Variants in DACH2 observed in about 807,000 individuals in gnomAD.
DACH2 encodes the protein dachshund homolog 2.
A neutral mutation model predicts 35.8 loss-of-function variants in DACH2; 17 were observed. The observed-to-expected ratio is 0.48, with a 90% CI of 0.33 to 0.71. The LOEUF (loss-of-function observed/expected upper bound fraction) is 0.71. Ranked by LOEUF, DACH2 falls within the 30% of genes least tolerant of loss-of-function variation. DACH2 has a pLI of 0.02. For missense variants in DACH2, 469 were observed against 472.7 expected (o/e 0.99, Z 0.07); for synonymous variants, 195 against 177.3 (o/e 1.10, Z -0.79).
chrX:86,326,720 T>C (rs1569350421), intron 1 of DACH2, among the ~76,000 whole-genome samples: 1 of 110,893 alleles, frequency 9.0e-6, no homozygotes, highest in African/African-American at 3.3e-5. Flanking sequence ...CCAGTATTTG[T>C]TTTCCTCATC....
chrX:86,270,185 A>C (rs2033791075), intron 1 of DACH2, among the ~76,000 whole-genome samples: 1 of 108,763 alleles, frequency 9.2e-6, no homozygotes, highest in Non-Finnish European at 1.9e-5. Flanking sequence ...TTTTGGTCAG[A>C]GTAAAGTTGA....
chrX:86,544,900 T>G (rs1431270376), intron 3 of DACH2, among the ~76,000 whole-genome samples: 1 of 112,336 alleles, frequency 8.9e-6, no homozygotes, highest in Non-Finnish European at 1.9e-5. Flanking sequence ...CCCCCTGGGT[T>G]CAAGCAATTC....
chrX:86,297,786 T>C (rs909556066), intron 1 of DACH2, among the ~76,000 whole-genome samples: 2 of 112,434 alleles, frequency 1.8e-5, no homozygotes, highest in Non-Finnish European at 3.8e-5. Flanking sequence ...TAGACATTTA[T>C]ATATAGTCAA....
chrX:86,219,622 C>A lies in DACH2; in HGVS notation c.488+70514C>A, dbSNP rs143810867. Among the ~76,000 whole-genome samples, 15 of 111,364 alleles carry A rather than the reference C, an allele frequency of 1.3e-4. No individual in the cohort carries two copies. The Admixed American group carries it at 1.4e-3, about 11-fold the overall frequency. The stretch of plus-strand genomic sequence containing the variant: ...AACGTAATAAATCTGTGCATATGTA[C>A]ATTGAAAATATTTTCTCCCATTACA... On this transcript the variant is annotated intron_variant, in intron 1 of 11. Coordinates refer to ENST00000373125, the MANE Select transcript of DACH2 (RefSeq NM_053281.3).
intron 1 of DACH2, among the ~76,000 whole-genome samples, chrX:86,372,214 T>C (rs1429464887): frequency 9.0e-6 from 1 of 111,424 alleles, no homozygotes; most frequent in African/African-American, 3.3e-5. Context: ...ATTCTATATA[T>C]ATGGATGTCA....
intron 2 of DACH2, among the ~76,000 whole-genome samples, chrX:86,492,107 T>C (rs937530833): frequency 1.8e-5 from 2 of 111,937 alleles, no homozygotes; most frequent in East Asian, 5.6e-4. Context: ...TCTCTGTGAC[T>C]GCTTTATTTC....
intron 1 of DACH2, among the ~76,000 whole-genome samples, chrX:86,163,440 A>G (rs915630659): frequency 5.4e-5 from 6 of 110,107 alleles, no homozygotes; most frequent in African/African-American, 1.6e-4. Flanking sequence ...TCTTTTTTTT[A>G]ATGTTTATTT....
intron 1 of DACH2, among the ~76,000 whole-genome samples, chrX:86,294,212 G>A (rs1463607983): frequency 5.4e-5 from 6 of 111,513 alleles, no homozygotes; most frequent in African/African-American, 9.8e-5. Context: ...CCAGTTGATT[G>A]CATCGGCTCC....
At chrX:86,772,677 G>A (rs2041997788) in intron 7 of DACH2, among the ~76,000 whole-genome samples, 1 of 111,370 alleles carries the variant, frequency 9.0e-6, no homozygotes, top group Admixed American at 9.6e-5. Context: ...TGCATTGTCA[G>A]AGTTATTATT....
At chrX:86,690,726 T>C (rs1272312312) in intron 4 of DACH2, among the ~76,000 whole-genome samples, 1 of 112,270 alleles carries the variant, frequency 8.9e-6, no homozygotes. Flanking sequence ...TTTATTGTTC[T>C]TACACTGATT....
chrX:86,823,914 G>A (rs2042537818), intron 11 of DACH2, among the ~76,000 whole-genome samples: 1 of 111,869 alleles, frequency 8.9e-6, no homozygotes, highest in South Asian at 3.8e-4. Context: ...GAGGAAACAG[G>A]ACAAGGGCAA....
chrX:86,546,402 T>C (rs868811280), intron 3 of DACH2, among the ~76,000 whole-genome samples: 7 of 65,235 alleles, frequency 1.1e-4, no homozygotes, highest in African/African-American at 5.4e-4. Flanking sequence ...CTTCTTCTTC[T>C]TCCTTCTTCT....
At chrX:86,628,053 GC>G (rs774464682) in intron 3 of DACH2, among the ~76,000 whole-genome samples, 1 of 111,960 alleles carries the variant, frequency 8.9e-6, no homozygotes, top group Non-Finnish European at 1.9e-5. Flanking sequence ...TGGGCTAATA[GC>G]CCTTTTTCCT....
intron 3 of DACH2, among the ~76,000 whole-genome samples, chrX:86,528,734 A>C (rs945499214): frequency 8.9e-5 from 10 of 112,254 alleles, no homozygotes; most frequent in African/African-American, 1.6e-4. Context: ...CAGTGTAACC[A>C]CTATGCTTCA....
At chrX:86,571,071 G>T (rs1172031665) in intron 3 of DACH2, among the ~76,000 whole-genome samples, 3 of 110,544 alleles carry the variant, frequency 2.7e-5, no homozygotes, top group African/African-American at 9.8e-5. Context: ...TATCATTTTT[G>T]CTTTTATATT....
At chrX:86,153,678 GT>G (rs2030446370) in intron 1 of DACH2, among the ~76,000 whole-genome samples, 1 of 111,583 alleles carries the variant, frequency 9.0e-6, no homozygotes, top group Admixed American at 9.5e-5. Context: ...CATATTGTCT[GT>G]TAAAAGCAGC....
intron 3 of DACH2, among the ~76,000 whole-genome samples, chrX:86,585,091 G>A (rs2039551976): frequency 2.7e-5 from 3 of 110,807 alleles, no homozygotes; most frequent in African/African-American, 9.8e-5. Context: ...TTGCTATTGT[G>A]AATAGTGCTG....
chrX:86,475,063 C>T (rs1279884187), intron 2 of DACH2, among the ~76,000 whole-genome samples: 1 of 111,797 alleles, frequency 8.9e-6, no homozygotes, highest in Non-Finnish European at 1.9e-5. Flanking sequence ...CAGTACCATG[C>T]TGTTTTGATT....
At chrX:86,487,447 C>T (rs2148241484) in intron 2 of DACH2, among the ~76,000 whole-genome samples, 1 of 111,632 alleles carries the variant, frequency 9.0e-6, no homozygotes, top group Non-Finnish European at 1.9e-5. Flanking sequence ...CCATGTGTGC[C>T]TAAGGTGGTG....
Sources: gnomAD v4.1 joint callset for allele counts (sites outside exome capture counted in the v4.1 genomes callset) on GRCh38, gnomAD v4.1.1 for gene constraint, MANE v1.5 for transcripts, NCBI Gene and HGNC (gene_info 2026-07-23, HGNC 2026-07-21) for gene names.